TAF4B: variants seen among roughly 807,000 people sequenced by gnomAD.
TAF4B encodes the protein transcription initiation factor TFIID subunit 4B.
In TAF4B, 38 loss-of-function variants were observed where a neutral mutation model predicts 86.4. The observed-to-expected ratio is 0.44, with a 90% CI of 0.34 to 0.58. The LOEUF (loss-of-function observed/expected upper bound fraction) is 0.58. Among genes scored for constraint, TAF4B ranks in the 20% least tolerant of loss-of-function variants. TAF4B has a pLI of 0.02. For synonymous variants in TAF4B, 388 were observed against 391.2 expected (o/e 0.99, Z 0.10); for missense variants, 988 against 1,027.6 (o/e 0.96, Z 0.53).
intron 9 of TAF4B, among the ~76,000 whole-genome samples, chr18:26,300,638 G>A (rs2056721277): frequency 6.6e-6 from 1 of 151,902 alleles, no homozygotes; most frequent in Non-Finnish European, 1.5e-5. Flanking sequence ...AATTTATTGA[G>A]ACTTCTCAGT....
intron 11 of TAF4B, among the ~76,000 whole-genome samples, chr18:26,325,918 A>C (rs1312913808): frequency 6.6e-6 from 1 of 152,212 alleles, no homozygotes; most frequent in Non-Finnish European, 1.5e-5. Flanking sequence ...ACCAACAATA[A>C]AAATTTAATT....
At chr18:26,284,704 C>T (rs2056489201) in intron 6 of TAF4B, among the ~76,000 whole-genome samples, 1 of 151,954 alleles carries the variant, frequency 6.6e-6, no homozygotes, top group South Asian at 2.1e-4. Context: ...ATGGCTGTCT[C>T]TACTAAAAAA....
At chr18:26,234,543 C>T (rs2055719799) in intron 1 of TAF4B, among the ~76,000 whole-genome samples, 1 of 152,160 alleles carries the variant, frequency 6.6e-6, no homozygotes, top group Non-Finnish European at 1.5e-5. Context: ...GTGCTGGTCC[C>T]TGGGGGAAGA....
chr18:26,357,876 C>T, intron 14 of TAF4B, 82 bp downstream of exon 14: 1 of 1,018,260 alleles, frequency 9.8e-7, no homozygotes, highest in South Asian at 1.7e-5. Context: ...AATAGTTTAC[C>T]CTGTTATGCA....
chr18:26,310,756 C>T (rs72880186), intron 9 of TAF4B, among the ~76,000 whole-genome samples: 3 of 152,054 alleles, frequency 2.0e-5, no homozygotes, highest in Non-Finnish European at 4.4e-5. Context: ...CTTTATCCCC[C>T]CTATTACCCA....
intron 1 of TAF4B, among the ~76,000 whole-genome samples, chr18:26,234,576 C>A (rs1436843361): frequency 6.6e-6 from 1 of 152,186 alleles, no homozygotes. Context: ...AGTACTGTTA[C>A]ATCACTAACT....
chr18:26,345,113 G>A (rs1237495445), intron 13 of TAF4B, among the ~76,000 whole-genome samples: 3 of 152,126 alleles, frequency 2.0e-5, no homozygotes, highest in Non-Finnish European at 4.4e-5. Flanking sequence ...ACCAAGATAT[G>A]CCTGCTTGTA....
intron 3 of TAF4B, among the ~76,000 whole-genome samples, chr18:26,273,526 C>T (rs2056346488): frequency 6.6e-6 from 1 of 152,104 alleles, no homozygotes; most frequent in Non-Finnish European, 1.5e-5. Context: ...CTCCTTCTAT[C>T]AATTCTCAGC....
In TAF4B at chr18:26,255,914, C is replaced by T. The variant is rs1012710494; in HGVS notation, c.344-9256C>T. On this transcript the variant is annotated intron_variant, in intron 1 of 14. Coordinates refer to ENST00000269142, the MANE Select transcript of TAF4B (RefSeq NM_005640.3). Reference sequence around the variant, plus strand: ...CTGGTGTTCTGTTAGAACCAGAAGCCATCTCTGTATCTGAGCCGTCATCTG... The same window carrying T: ...CTGGTGTTCTGTTAGAACCAGAAGCTATCTCTGTATCTGAGCCGTCATCTG... The T allele has an allele frequency of 8.1e-6, 10 of 1,238,056 alleles. No individual in the cohort carries two copies. In the Admixed American group the frequency reaches 1.5e-4, roughly 19 times the overall value. 76.7% of individuals were successfully genotyped at this position (1,238,056 alleles called of 1,614,324 possible). A position where few individuals can be genotyped will look rare whatever the true frequency, so the allele number is the denominator to read the frequency against.
At position 26,325,970 on chromosome 18, in the gene TAF4B, A is replaced by C. The variant is rs540566810; in HGVS notation, c.2134-1045A>C. Among the ~76,000 whole-genome samples the C allele has an allele frequency of 5.9e-5, 9 of 152,330 alleles. 1 individual carries two copies. In the South Asian group the frequency reaches 1.9e-3, roughly 32 times the overall value. On this transcript the variant is annotated intron_variant, in intron 11 of 14. Transcript: ENST00000269142. ...CATATGAAATCCCTCAGTCACAGTT[A>C]ATTGAATCAACCATAAGCAGGGGGA... is the stretch of plus-strand genomic sequence containing the variant.
chr18:26,299,556 C>T (rs1018237758), intron 9 of TAF4B, among the ~76,000 whole-genome samples: 17 of 151,768 alleles, frequency 1.1e-4, no homozygotes, highest in African/African-American at 4.1e-4. Flanking sequence ...GAGTCATAGT[C>T]TTCCCCCCCT....
chr18:26,381,829 A>C (rs1002980023), intron 14 of TAF4B, among the ~76,000 whole-genome samples: 1 of 152,082 alleles, frequency 6.6e-6, no homozygotes, highest in African/African-American at 2.4e-5. Flanking sequence ...GTTGTCACCT[A>C]CTTTACTGCT....
intron 1 of TAF4B, among the ~76,000 whole-genome samples, chr18:26,234,073 T>C (rs1032504025): frequency 2.6e-5 from 4 of 152,232 alleles, no homozygotes; most frequent in African/African-American, 9.7e-5. Context: ...CCTTTCCCTC[T>C]TCTGTTGTTA....
chr18:26,386,716 A>G (rs1978396686), intron 14 of TAF4B, among the ~76,000 whole-genome samples: 2 of 152,072 alleles, frequency 1.3e-5, no homozygotes, highest in Non-Finnish European at 2.9e-5. Flanking sequence ...ATACTCTTTC[A>G]TGTTACCCAG....
In TAF4B at chr18:26,390,513, G is replaced by A. The variant is rs1359767765; in HGVS notation, c.*501G>A. Reference sequence around the variant, plus strand: ...CACCCTCTGTACGTGACAGGCCACTGTGGTGACTTTGGTCGGCTGAGTTCC... The same window carrying A: ...CACCCTCTGTACGTGACAGGCCACTATGGTGACTTTGGTCGGCTGAGTTCC... On this transcript the variant is annotated 3_prime_UTR_variant, in exon 15 of 15. Transcript: ENST00000269142. 1 of 152,362 alleles carries A rather than the reference G, an allele frequency of 6.6e-6. No individual in the cohort carries two copies. The highest frequency in any genetic ancestry group is 2.4e-5 in the African/African-American group (1 of 41,452). 9.4% of individuals were successfully genotyped at this position (152,362 alleles called of 1,614,324 possible). A position where few individuals can be genotyped will look rare whatever the true frequency, so the allele number is the denominator to read the frequency against.
intron 2 of TAF4B, among the ~76,000 whole-genome samples, chr18:26,266,490 A>G (rs573492598): frequency 1.3e-5 from 2 of 152,302 alleles, no homozygotes; most frequent in Non-Finnish European, 2.9e-5. Context: ...TTAACTTGGC[A>G]TTGTTAGAAT....
At chr18:26,280,722 A>G (rs1191243485) in intron 5 of TAF4B, among the ~76,000 whole-genome samples, 3 of 152,224 alleles carry the variant, frequency 2.0e-5, no homozygotes, top group African/African-American at 4.8e-5. Context: ...TAGGTTAGCT[A>G]CTGTGGAAAG....
At chr18:26,249,186 A>G (rs969786541) in intron 1 of TAF4B, among the ~76,000 whole-genome samples, 6 of 151,172 alleles carry the variant, frequency 4.0e-5, no homozygotes, top group African/African-American at 1.5e-4. Context: ...AAAAAAAAAA[A>G]AGAGGAACCT....
chr18:26,346,755 G>A (rs997340080), intron 13 of TAF4B, among the ~76,000 whole-genome samples: 3 of 30,442 alleles, frequency 9.9e-5, no homozygotes, highest in Non-Finnish European at 1.5e-4. Context: ...ATATATATAT[G>A]TGTGTATATA....
Sources: allele counts gnomAD v4.1 joint callset (sites outside exome capture counted in the v4.1 genomes callset), GRCh38; gene constraint gnomAD v4.1.1; transcripts MANE v1.5; gene names NCBI Gene and HGNC (gene_info 2026-07-23, HGNC 2026-07-21).